Variants in PKM observed in about 807,000 individuals in gnomAD.
PKM encodes the protein pyruvate kinase M1/2.
In PKM, 18 loss-of-function variants were observed where a neutral mutation model predicts 49.8. The ratio of observed to expected loss-of-function variants is 0.36; its 90% CI spans 0.25 to 0.54. PKM has a LOEUF of 0.54. Among genes scored for constraint, PKM ranks in the 20% least tolerant of loss-of-function variants. The pLI is 0.89. For missense variants in PKM, 508 were observed against 713.8 expected, an observed-to-expected ratio of 0.71 and a Z score of 3.28; for synonymous variants, 239 against 261.8, an observed-to-expected ratio of 0.91 and a Z score of 0.84.
At chr15:72,210,023 A>G (rs564476733) in intron 4 of PKM, 164 bp from the exon 5 acceptor site, 14 of 690,946 alleles carry the variant, frequency 2.0e-5, no homozygotes, top group Admixed American at 1.1e-4. Flanking sequence ...ACTTCACGGA[A>G]ATAATCCAAG....
chr15:72,209,872 G>C lies in PKM; in HGVS notation c.379-13C>G. 1 of 1,611,710 alleles carries C rather than the reference G, an allele frequency of 6.2e-7. No homozygotes were observed. The highest frequency in any genetic ancestry group is 8.5e-7 in the Non-Finnish European group (1 of 1,177,896). On this transcript the variant is annotated splice_polypyrimidine_tract_variant and intron_variant, in intron 4 of 10. Coordinates refer to ENST00000335181, the MANE Select transcript of PKM (RefSeq NM_002654.6). ...CTGCAGTGCCGCTCTAGGGACAAGA[G>C]AGTAAGCAAGAGTCCAAACTGGAGA...
chr15:72,217,062 C>T (rs1321025300), intron 3 of PKM, among the ~76,000 whole-genome samples: 2 of 152,164 alleles, frequency 1.3e-5, no homozygotes, highest in Non-Finnish European at 2.9e-5. Context: ...AAGCAGAAAC[C>T]CTGGGACAGG....
At chr15:72,223,921 A>G (rs531022004) in intron 1 of PKM, among the ~76,000 whole-genome samples, 1,489 of 143,684 alleles carry the variant, frequency 0.01, 24 homozygotes, top group African/African-American at 0.035. Context: ...CTGGCTTTAA[A>G]AAAAAAAAAA....
At chr15:72,217,104 G>A (rs974128164) in intron 3 of PKM, among the ~76,000 whole-genome samples, 17 of 152,278 alleles carry the variant, frequency 1.1e-4, no homozygotes, top group Admixed American at 1.0e-3. Flanking sequence ...GACACCTAAG[G>A]CTTAGAGGGT....
At position 72,199,313 on chromosome 15, in the gene PKM, G is replaced by T; in HGVS notation, c.*337C>A. On this transcript the variant is annotated 3_prime_UTR_variant, in exon 11 of 11. Transcript: ENST00000335181. Reference sequence around the variant, plus strand: ...CCAAGCCAGGGTTGGGAGTCCTCTGGGCATCCATTTTTTCTAAAGGAACTG... The same window carrying T: ...CCAAGCCAGGGTTGGGAGTCCTCTGTGCATCCATTTTTTCTAAAGGAACTG... The T allele has an allele frequency of 4.4e-6, 2 of 452,182 alleles. No individual in the cohort carries two copies. Among genetic ancestry groups the T allele is most frequent in the Non-Finnish European group, 8.5e-6 (2 of 235,870 alleles). 28.0% of individuals were successfully genotyped at this position (452,182 alleles called of 1,614,324 possible). A position where few individuals can be genotyped will look rare whatever the true frequency, so the allele number is the denominator to read the frequency against.
chr15:72,202,126 G>T lies in PKM; in HGVS notation c.1307+328C>A, dbSNP rs1364938061. ...CACATAGTAACTGGAATAAGCAAAA[G>T]TGGTTATCTTTTACAATTTTAGAGG... On this transcript the variant is annotated intron_variant, in intron 9 of 10. Coordinates refer to ENST00000335181, the MANE Select transcript of PKM (RefSeq NM_002654.6). The surrounding 1 kb of genome is among the most constrained non-coding windows in gnomAD (Gnocchi z 4.5). 1 of 376,108 alleles carries T rather than the reference G, an allele frequency of 2.7e-6. No individual in the cohort carries two copies. Among genetic ancestry groups the T allele is most frequent in the Non-Finnish European group, 5.0e-6 (1 of 201,078 alleles). 23.3% of individuals were successfully genotyped at this position (376,108 alleles called of 1,614,324 possible).
chr15:72,205,042 G>GT (rs1411722133), intron 8 of PKM, among the ~76,000 whole-genome samples: 1 of 151,998 alleles, frequency 6.6e-6, no homozygotes, highest in Non-Finnish European at 1.5e-5. Context: ...GAATGGTGAG[G>GT]TGTCAGCCAG....
intron 9 of PKM, chr15:72,201,914 G>A (rs557710080): frequency 5.5e-6 from 1 of 182,842 alleles, no homozygotes; most frequent in East Asian, 1.5e-4. Context: ...GCCCAGCATA[G>A]GCCACACAGT....
Position 72,199,505 on chromosome 15 carries a change from G to A in PKM, c.*145C>T, listed in dbSNP as rs2081878405. The A allele has an allele frequency of 1.4e-6, 1 of 718,574 alleles. No homozygotes were observed. The highest frequency in any genetic ancestry group is 2.6e-6 in the Non-Finnish European group (1 of 390,222). 44.5% of individuals were successfully genotyped at this position (718,574 alleles called of 1,614,324 possible). The stretch of plus-strand genomic sequence containing the variant: ...AGGCTGCAAACACAGCCATGTTTCA[G>A]TGAGGCGTTGATCTTCTTCCCTGGT... On this transcript the variant is annotated 3_prime_UTR_variant, in exon 11 of 11. Coordinates refer to ENST00000335181, the MANE Select transcript of PKM (RefSeq NM_002654.6).
Position 72,218,925 on chromosome 15 carries a change from A to T in PKM, c.154+19T>A, listed in dbSNP as rs1196386904. On this transcript the variant is annotated intron_variant, in intron 2 of 10. Transcript: ENST00000335181. ...TGCCCATGAAGCCCTTTTTTGGGGGAAGGGGCACACCCACTCACCAATGGT... is the reference window on the plus strand; with the variant it reads ...TGCCCATGAAGCCCTTTTTTGGGGGTAGGGGCACACCCACTCACCAATGGT... 9.9e-6 allele frequency: 16 copies of T among 1,613,582 alleles called. No individual in the cohort carries two copies. The highest frequency in any genetic ancestry group is 1.4e-5 in the Non-Finnish European group (16 of 1,179,734).
At chr15:72,212,779 A>G (rs1040024573) in intron 3 of PKM, among the ~76,000 whole-genome samples, 1 of 152,060 alleles carries the variant, frequency 6.6e-6, no homozygotes. Context: ...TTAAAAGTCA[A>G]CCTTAACTCA....
At chr15:72,218,820 A>T in intron 2 of PKM, 124 bp downstream of exon 2, 1 of 977,004 alleles carries the variant, frequency 1.0e-6, no homozygotes, top group South Asian at 1.4e-5. Flanking sequence ...GAGTCCTTTC[A>T]TAAGAATCTG....
In PKM at chr15:72,221,328, T is replaced by C. The variant is rs998206422; in HGVS notation, c.-13-2218A>G. The C allele has an allele frequency of 3.2e-6, 4 of 1,231,006 alleles. No homozygotes were observed. The African/African-American group carries it at 4.5e-5, about 14-fold the overall frequency. The allele number at this position is 1,231,006 out of a possible 1,614,324, so 76.3% of individuals were successfully genotyped here. A position where few individuals can be genotyped will look rare whatever the true frequency, so the allele number is the denominator to read the frequency against. On this transcript the variant is annotated intron_variant, in intron 1 of 10. Transcript: ENST00000335181. ...AAAAGCTGAGTGTAACTAAAGCTCT[T>C]TGGGGTAATGGAAAAATTACCTTAA... is the stretch of plus-strand genomic sequence containing the variant.
chr15:72,216,656 C>T (rs1195602450), intron 3 of PKM, among the ~76,000 whole-genome samples: 1 of 152,146 alleles, frequency 6.6e-6, no homozygotes, highest in Non-Finnish European at 1.5e-5. Context: ...CATGGTACCT[C>T]AGGGAACCCC....
In PKM at chr15:72,200,964, C is replaced by T; in HGVS notation, c.1308-309G>A. 3 of 322,542 alleles carry T rather than the reference C, an allele frequency of 9.3e-6. No homozygotes were observed. Among genetic ancestry groups the T allele is most frequent in the Non-Finnish European group, 1.8e-5 (3 of 171,068 alleles). 20.0% of individuals were successfully genotyped at this position (322,542 alleles called of 1,614,324 possible). On this transcript the variant is annotated intron_variant, in intron 9 of 10. Coordinates refer to ENST00000335181, the MANE Select transcript of PKM (RefSeq NM_002654.6). The surrounding 1 kb of genome is among the most constrained non-coding windows in gnomAD (Gnocchi z 4.6). ...CATGGTTGGCAGAACCCCTCCTACA[C>T]CCTGAACTCTGACACAGAGAGGCAG...
upstream of PKM, chr15:72,231,575 G>C (rs918287075): frequency 6.6e-6 from 1 of 152,398 alleles, no homozygotes; most frequent in African/African-American, 2.4e-5. Flanking sequence ...CTCGGCCCAG[G>C]CCACCCCAGC....
At chr15:72,203,330 C>A in intron 8 of PKM, 1 of 732,638 alleles carries the variant, frequency 1.4e-6, no homozygotes, top group Non-Finnish European at 2.4e-6. Context: ...GTCCTTCAGG[C>A]AGATGCAGAG....
chr15:72,216,172 T>A (rs2082372093), intron 3 of PKM, among the ~76,000 whole-genome samples: 1 of 152,356 alleles, frequency 6.6e-6, no homozygotes, highest in East Asian at 1.9e-4. Flanking sequence ...GAGGGCAACC[T>A]CTGTAAGGCA....
intron 5 of PKM, 81 bp downstream of exon 5, chr15:72,209,592 A>T: frequency 7.8e-7 from 1 of 1,277,248 alleles, no homozygotes; most frequent in South Asian, 1.2e-5. Flanking sequence ...CAGGCAACCA[A>T]CCTTCCCATC....
Sources: allele counts gnomAD v4.1 joint callset (sites outside exome capture counted in the v4.1 genomes callset), GRCh38; gene constraint gnomAD v4.1.1; non-coding constraint Gnocchi (gnomAD v3.1); transcripts MANE v1.5; gene names NCBI Gene and HGNC (gene_info 2026-07-23, HGNC 2026-07-21).